The following SV2C variants were observed in gnomAD, a reference collection of about 807,000 sequenced individuals.
SV2C encodes solute carrier family 22 member B3.
Under a neutral mutation model 79.7 loss-of-function variants are expected in SV2C, and 49 were observed. The ratio of observed to expected loss-of-function variants is 0.61; its 90% confidence interval spans 0.49 to 0.78. SV2C has a LOEUF of 0.78. Among genes scored for constraint, SV2C ranks in the 30% least tolerant of loss-of-function variants. SV2C has a pLI of 0.00. For missense variants in SV2C, 833 were observed against 912.9 expected (o/e 0.91, Z 1.13); for synonymous variants, 334 against 333.2 (o/e 1.00, Z -0.03).
In SV2C at chr5:76,174,441, A is replaced by G. The variant is rs557777855; in HGVS notation, c.581-20478A>G. 3.3e-5 allele frequency among the ~76,000 whole-genome samples: 5 copies of G among 152,338 alleles called. No individual in the cohort carries two copies. The East Asian group carries it at 7.7e-4, about 24-fold the overall frequency. ...AATGAAAGAGCAAAATAATCTCATA[A>G]TGTACTTGTTCCCATCAGGCCTGCA... On this transcript the variant is annotated intron_variant, in intron 2 of 12. Transcript: ENST00000502798.
At chr5:76,202,678 A>G (rs1744489124) in intron 3 of SV2C, among the ~76,000 whole-genome samples, 1 of 152,194 alleles carries the variant, frequency 6.6e-6, no homozygotes, top group African/African-American at 2.4e-5. Context: ...ATAATATAAA[A>G]CCCAAATTGT....
chr5:76,341,471 C>T (rs1432089973), intron 12 of SV2C, among the ~76,000 whole-genome samples: 1 of 152,180 alleles, frequency 6.6e-6, no homozygotes, highest in Non-Finnish European at 1.5e-5. Flanking sequence ...AATGGAGGTG[C>T]CGGGGCTTAA....
rs1561319681 is a variant in SV2C, at chr5:76,327,204, A to AATCG, written c.*1658_*1659insTCGA. On this transcript the variant is annotated 3_prime_UTR_variant, in exon 13 of 13. Transcript: ENST00000502798. The stretch of plus-strand genomic sequence containing the variant: ...GACTAAGTGAAAAGCTTCTTTCATT[A>AATCG]ACATAAGCCATTAATCGACTTCCCC... The AATCG allele has an allele frequency of 1.3e-5, 2 of 152,082 alleles. No individual in the cohort carries two copies. The highest frequency in any genetic ancestry group is 4.8e-5 in the African/African-American group (2 of 41,400). 9.4% of individuals were successfully genotyped at this position (152,082 alleles called of 1,614,324 possible).
intron 2 of SV2C, chr5:76,173,796 G>A: frequency 1.2e-6 from 2 of 1,604,794 alleles, no homozygotes; most frequent in Non-Finnish European, 8.5e-7. Flanking sequence ...TTTTGACCTT[G>A]TTCCTTCCCT....
the SV2C span, among the ~76,000 whole-genome samples, chr5:75,993,311 G>A: frequency 1.3e-5 from 2 of 152,002 alleles, no homozygotes; most frequent in African/African-American, 2.4e-5. Context: ...TAATAAGATC[G>A]TCTTGCATGG....
At chr5:75,950,774 G>GC in the SV2C span, among the ~76,000 whole-genome samples, 18,962 of 151,922 alleles carry the variant, frequency 0.12, 3,332 homozygotes, top group African/African-American at 0.4. Flanking sequence ...TTTCCTAGTG[G>GC]CTTGAGAGTT....
Position 76,326,357 on chromosome 5 carries a change from G to A in SV2C, c.*810G>A, listed in dbSNP as rs1365702153. 6.6e-6 allele frequency: 1 copy of A among 152,182 alleles called. No homozygotes were observed. Among genetic ancestry groups the A allele is most frequent in the African/African-American group, 2.4e-5 (1 of 41,416 alleles). The allele number at this position is 152,182 out of a possible 1,614,324, so 9.4% of individuals were successfully genotyped here. A position where few individuals can be genotyped will look rare whatever the true frequency, so the allele number is the denominator to read the frequency against. ...ACTCCCACTCCTTCAGCTGCCCTTG[G>A]TCTTGCCAGACAGCAGATTCAGGGA... On this transcript the variant is annotated 3_prime_UTR_variant, in exon 13 of 13. Coordinates refer to ENST00000502798, the MANE Select transcript of SV2C (RefSeq NM_014979.4).
At chr5:75,972,397 A>C in the SV2C span, among the ~76,000 whole-genome samples, 4 of 152,242 alleles carry the variant, frequency 2.6e-5, no homozygotes, top group Non-Finnish European at 5.9e-5. Flanking sequence ...GGCAACCTAC[A>C]AAATGGGAGA....
chr5:75,945,363 G>A, the SV2C span, among the ~76,000 whole-genome samples: 1 of 151,774 alleles, frequency 6.6e-6, no homozygotes, highest in African/African-American at 2.4e-5. Context: ...GTCATCCAGA[G>A]TGCAATGACA....
intron 12 of SV2C, among the ~76,000 whole-genome samples, chr5:76,339,530 A>T (rs192446469): frequency 1.9e-4 from 29 of 152,078 alleles, no homozygotes; most frequent in South Asian, 4.2e-4. Flanking sequence ...CTGGCTAACA[A>T]GGTGAAACTC....
At chr5:76,335,860 C>G (rs1326109134), downstream of SV2C, among the ~76,000 whole-genome samples, 1 of 152,232 alleles carries the variant, frequency 6.6e-6, no homozygotes, top group East Asian at 1.9e-4. Context: ...TTTCTCAATC[C>G]TTTCTCGGCC....
chr5:75,901,796 G>A, the SV2C span, among the ~76,000 whole-genome samples: 1,029 of 152,304 alleles, frequency 6.8e-3, 7 homozygotes, highest in African/African-American at 0.023. Context: ...GCAATGGCAG[G>A]TGCCCCTCCC....
the SV2C span, among the ~76,000 whole-genome samples, chr5:75,902,689 T>C: frequency 7.0e-6 from 1 of 143,414 alleles, no homozygotes; most frequent in South Asian, 2.1e-4. Context: ...CAGACTTTTA[T>C]GTCTTCCCTT....
intron 1 of SV2C, among the ~76,000 whole-genome samples, chr5:76,092,417 C>CT (rs1580259274): frequency 1.3e-5 from 2 of 152,124 alleles, no homozygotes; most frequent in East Asian, 3.9e-4. Flanking sequence ...GTGAGGTCAT[C>CT]TAAGTTGTGA....
chr5:76,262,880 TGTG>T, intron 4 of SV2C, among the ~76,000 whole-genome samples: 1 of 152,344 alleles, frequency 6.6e-6, no homozygotes, highest in African/African-American at 2.4e-5. Flanking sequence ...ATAAGTATGA[TGTG>T]GTGCTGAGAA....
chr5:76,265,567 T>G (rs1746625558), intron 4 of SV2C, among the ~76,000 whole-genome samples: 1 of 152,208 alleles, frequency 6.6e-6, no homozygotes, highest in Admixed American at 6.5e-5. Context: ...CCTGAACAGT[T>G]GCCCAATTTT....
chr5:76,017,382 G>A, the SV2C span, among the ~76,000 whole-genome samples: 1 of 152,076 alleles, frequency 6.6e-6, no homozygotes, highest in East Asian at 1.9e-4. Context: ...CTCCTCCTGG[G>A]TTCAAGCGAT....
rs2270927 is a variant in SV2C, at chr5:76,295,885, C to G, written c.1445C>G (p.Thr482Ser). 187,981 of 1,612,150 alleles carry G rather than the reference C, an allele frequency of 0.12. 12,779 individuals are homozygous for G. Among genetic ancestry groups the G allele is most frequent in the African/African-American group, 0.27 (19,989 of 74,904 alleles). ...GAGAGAGATAAATATGCAAATTTCACTATTAACTTTACAATGGAAAATCAG... is the reference window on the plus strand; with the variant it reads ...GAGAGAGATAAATATGCAAATTTCAGTATTAACTTTACAATGGAAAATCAG... ...NVERDKYANFTINFTMENQIH... is the reference protein window; with the variant it reads ...NVERDKYANFSINFTMENQIH... The change falls in exon 9 of 13, where the codon ACT becomes AGT. Residue 482 changes from threonine to serine, a missense_variant. Transcript: ENST00000502798.
chr5:75,903,375 TTTTAAAA>T, the SV2C span, among the ~76,000 whole-genome samples: 3 of 151,114 alleles, frequency 2.0e-5, no homozygotes, highest in African/African-American at 7.4e-5. Context: ...GTGTTTTTTT[TTTTAAAA>T]AAAAAAGAAA....
Sources: allele counts gnomAD v4.1 joint callset (sites outside exome capture counted in the v4.1 genomes callset), GRCh38; gene constraint gnomAD v4.1.1; transcripts MANE v1.5; gene names NCBI Gene and HGNC (gene_info 2026-07-23, HGNC 2026-07-21).